Variants in DENND4A observed in about 807,000 individuals in gnomAD.
DENND4A encodes the protein C-myc promoter-binding protein.
Under a neutral mutation model 199.3 loss-of-function variants are expected in DENND4A, and 70 were observed. The ratio of observed to expected loss-of-function variants is 0.35; its 90% CI spans 0.29 to 0.43. The LOEUF (loss-of-function observed/expected upper bound fraction) is 0.43, where lower values mean the gene tolerates loss of function less well. Among genes scored for constraint, DENND4A ranks in the 20% least tolerant of loss-of-function variants. The pLI is 1.00. For synonymous variants in DENND4A, 686 were observed against 766.9 expected (o/e 0.89, Z 1.74); for missense variants, 1,723 against 2,255.8 (o/e 0.76, Z 4.78).
chr15:65,773,499 C>T (rs916254798), intron 1 of DENND4A, among the ~76,000 whole-genome samples: 16 of 152,122 alleles, frequency 1.1e-4, no homozygotes, highest in Admixed American at 7.2e-4. Context: ...CAAAAAAGAA[C>T]GACACCATCT....
chr15:65,743,501 A>G (rs947527434), intron 4 of DENND4A, among the ~76,000 whole-genome samples: 11 of 152,202 alleles, frequency 7.2e-5, no homozygotes, highest in African/African-American at 2.7e-4. Context: ...TTAAAATTGC[A>G]ACCCATTCCC....
At chr15:65,738,612 A>G (rs1238658047) in intron 6 of DENND4A, 94 bp downstream of exon 6, 5 of 1,092,700 alleles carry the variant, frequency 4.6e-6, no homozygotes, top group South Asian at 1.9e-5. Flanking sequence ...TAATCATTCA[A>G]TTTAATCAGT....
chr15:65,694,311 T>C (rs1026828684), intron 22 of DENND4A, among the ~76,000 whole-genome samples: 2 of 152,066 alleles, frequency 1.3e-5, no homozygotes, highest in African/African-American at 4.8e-5. Context: ...TAGCCAGGCG[T>C]GGTGGCGTGT....
intron 4 of DENND4A, among the ~76,000 whole-genome samples, chr15:65,743,958 G>A (rs1251398982): frequency 1.3e-5 from 2 of 152,104 alleles, no homozygotes; most frequent in Non-Finnish European, 2.9e-5. Flanking sequence ...AGGGTTTTGA[G>A]CAGAAGAGAG....
chr15:65,780,876 T>C (rs1213366909), intron 1 of DENND4A, among the ~76,000 whole-genome samples: 1 of 152,242 alleles, frequency 6.6e-6, no homozygotes, highest in African/African-American at 2.4e-5. Flanking sequence ...TGGAACCAAC[T>C]ACTTTATCCT....
At chr15:65,682,470 G>T (rs1009451120) in intron 23 of DENND4A, among the ~76,000 whole-genome samples, 3 of 152,202 alleles carry the variant, frequency 2.0e-5, no homozygotes, top group Non-Finnish European at 2.9e-5. Context: ...AAACTGAAGA[G>T]AGTTAGTTAG....
At chr15:65,748,901 G>A (rs928296879) in intron 4 of DENND4A, among the ~76,000 whole-genome samples, 2 of 151,024 alleles carry the variant, frequency 1.3e-5, no homozygotes, top group Non-Finnish European at 2.9e-5. Context: ...GCCAAAGTGG[G>A]AGGATCACTT....
chr15:65,696,600 G>A (rs2077153732), intron 21 of DENND4A, 103 bp from the exon 22 acceptor site: 2 of 804,216 alleles, frequency 2.5e-6, no homozygotes, highest in Non-Finnish European at 3.8e-6. Context: ...TTGAAAATAG[G>A]TGACAAGAAA....
chr15:65,779,148 A>C (rs973492305), intron 1 of DENND4A, among the ~76,000 whole-genome samples: 1 of 151,724 alleles, frequency 6.6e-6, no homozygotes, highest in African/African-American at 2.4e-5. Flanking sequence ...GTTAATCTCA[A>C]GATACAAATT....
In DENND4A at chr15:65,691,087, G is replaced by T. The variant is rs2076953970; in HGVS notation, c.3507C>A (p.Asp1169Glu). 1 of 1,613,026 alleles carries T rather than the reference G, an allele frequency of 6.2e-7. No individual in the cohort carries two copies. Among genetic ancestry groups the T allele is most frequent in the South Asian group, 1.1e-5 (1 of 91,004 alleles). The change falls in exon 23 of 33, where the codon GAC becomes GAA. Residue 1169 changes from aspartate (D) to glutamate (E), a missense_variant. Asp to Glu is a conservative substitution (Grantham distance 45). Transcript: ENST00000443035. ...TTGATACATCTGTTTCACTGTCTAA[G>T]TCTTCTAAGTCAAAAATAACAGGAG... is the stretch of plus-strand genomic sequence containing the variant. ...VDSPVIFDLE[D>E]LDSETDVSKA...
chr15:65,733,031 T>C (rs1424697708), intron 7 of DENND4A, among the ~76,000 whole-genome samples: 1 of 152,204 alleles, frequency 6.6e-6, no homozygotes, highest in Non-Finnish European at 1.5e-5. Flanking sequence ...TTAATAGGCA[T>C]TCACATTCAA....
chr15:65,691,408 T>C lies in DENND4A; in HGVS notation c.3186A>G (p.Glu1062=). The C allele has an allele frequency of 6.2e-7, 1 of 1,613,626 alleles. No individual in the cohort carries two copies. The highest frequency in any genetic ancestry group is 8.5e-7 in the Non-Finnish European group (1 of 1,179,734). ...AGACCACTTGCTGCTGCAAATTAGT[T>C]TCATTGTCACTTTTATGTCTTTTCC... The part of the protein sequence containing the change: ...CFRKRHKSDN[E]TNLQQQVVWG... Residue 1062 remains glutamate, a synonymous_variant, in exon 23 of 33, where the codon GAA becomes GAG. Transcript: ENST00000443035.
Position 65,715,567 on chromosome 15 carries a change from T to A in DENND4A, c.1864A>T (p.Thr622Ser). The A allele has an allele frequency of 2.5e-6, 4 of 1,603,420 alleles. No homozygotes were observed. Among genetic ancestry groups the A allele is most frequent in the Non-Finnish European group, 3.4e-6 (4 of 1,175,200 alleles). Residue 622 changes from threonine to serine, a missense_variant, in exon 14 of 33, where the codon ACA (threonine) becomes TCA (serine). Thr to Ser is a moderately conservative substitution (Grantham distance 58, BLOSUM62 1). Transcript: ENST00000443035. ...TCAATGAAGCGAATAAACATTTGTG[T>A]TTTGGTCATCATGTTATAGAATTTT... Reference protein sequence around the residue: ...HQKFYNMMTKTQMFIRFIEEC... With the variant: ...HQKFYNMMTKSQMFIRFIEEC...
At position 65,738,727 on chromosome 15, in the gene DENND4A, TAAAAC is replaced by T; in HGVS notation, c.775_779del (p.Val259AsnfsTer6). The T allele has an allele frequency of 6.2e-7, 1 of 1,611,298 alleles. No homozygotes were observed. Among genetic ancestry groups the T allele is most frequent in the Non-Finnish European group, 8.5e-7 (1 of 1,178,848 alleles). On this transcript the variant is annotated frameshift_variant, in exon 6 of 33. Transcript: ENST00000443035. LOFTEE classifies it high-confidence loss of function. ...ATACCTTTTCAGCTGAGGCTCCAGT[TAAAAC>T]AAAAGTAGAAAATACAGGCAGAGGG...
intron 25 of DENND4A, 148 bp from the exon 26 acceptor site, chr15:65,670,336 T>C (rs908822383): frequency 5.1e-5 from 31 of 607,116 alleles, no homozygotes; most frequent in Non-Finnish European, 6.6e-5. Context: ...CAGTGTATTA[T>C]ATACTATAAT....
At chr15:65,769,973 G>C (rs1762421323) in intron 1 of DENND4A, among the ~76,000 whole-genome samples, 1 of 151,520 alleles carries the variant, frequency 6.6e-6, no homozygotes. Flanking sequence ...TCATAATATG[G>C]AATTACTTAC....
intron 24 of DENND4A, among the ~76,000 whole-genome samples, chr15:65,675,071 T>TATTA (rs2076332656): frequency 6.6e-6 from 1 of 152,214 alleles, no homozygotes; most frequent in South Asian, 2.1e-4. Context: ...ACAAATCTTC[T>TATTA]ATTACATCCA....
intron 14 of DENND4A, among the ~76,000 whole-genome samples, chr15:65,713,600 A>C (rs533028497): frequency 6.6e-6 from 1 of 152,244 alleles, no homozygotes; most frequent in Admixed American, 6.5e-5. Flanking sequence ...ATCTGTGTAC[A>C]CTCATGGTTT....
At chr15:65,771,168 C>A (rs768093321) in intron 1 of DENND4A, 3 of 1,577,882 alleles carry the variant, frequency 1.9e-6, no homozygotes, top group African/African-American at 2.8e-5. Flanking sequence ...ATAAAAATTC[C>A]AGTTCATCCT....
Sources: allele counts gnomAD v4.1 joint callset (sites outside exome capture counted in the v4.1 genomes callset), GRCh38; gene constraint gnomAD v4.1.1; transcripts MANE v1.5; gene names NCBI Gene and HGNC (gene_info 2026-07-23, HGNC 2026-07-21).